TRPM6: variants seen among roughly 807,000 people sequenced by gnomAD.
TRPM6 encodes the protein channel kinase 2.
TRPM6 carries 111 observed loss-of-function variants against 247.6 expected under a neutral mutation model. That is an observed-to-expected ratio of 0.45 (90% CI 0.38 to 0.52). The LOEUF is 0.52. Ranked by LOEUF, TRPM6 falls within the 20% of genes least tolerant of loss-of-function variation. The pLI, the probability that TRPM6 is intolerant of heterozygous loss-of-function variation, is 0.00. For missense variants in TRPM6, 2,126 were observed against 2,421.5 expected, an observed-to-expected ratio of 0.88 and a Z score of 2.56; for synonymous variants, 892 against 853.8, an observed-to-expected ratio of 1.04 and a Z score of -0.78.
At chr9:74,754,321 C>A (rs973893478) in intron 28 of TRPM6, among the ~76,000 whole-genome samples, 1 of 152,144 alleles carries the variant, frequency 6.6e-6, no homozygotes, top group East Asian at 1.9e-4. Context: ...ATTTAACAGA[C>A]AACTGAGTAT....
At chr9:74,877,534 A>T (rs866876334) in intron 1 of TRPM6, among the ~76,000 whole-genome samples, 64 of 152,044 alleles carry the variant, frequency 4.2e-4, no homozygotes, top group African/African-American at 1.4e-3. Flanking sequence ...CCACCACCAG[A>T]CTGCATCCTA....
At chr9:74,757,178 A>T (rs565929216) in intron 27 of TRPM6, among the ~76,000 whole-genome samples, 137 of 151,238 alleles carry the variant, frequency 9.1e-4, no homozygotes, top group African/African-American at 3.1e-3. Flanking sequence ...ACTTTGTCTA[A>T]AAAAACAAAC....
intron 1 of TRPM6, among the ~76,000 whole-genome samples, chr9:74,885,503 GAATT>G (rs1362924424): frequency 2.6e-5 from 4 of 152,172 alleles, no homozygotes; most frequent in African/African-American, 9.7e-5. Context: ...TAACCCTATG[GAATT>G]AATTGATTCT....
Position 74,763,133 on chromosome 9 carries a change from C to A in TRPM6, c.3538G>T (p.Val1180Phe). 6.2e-7 allele frequency: 1 copy of A among 1,609,066 alleles called. No homozygotes were observed. Residue 1180 changes from valine to phenylalanine, a missense_variant and splice_region_variant, in exon 26 of 39, where the codon GTT (valine) becomes TTT (phenylalanine). By Grantham distance (50) the Val-to-Phe change is conservative. This residue lies in a region of TRPM6 where 717 missense variants were observed against 715.9 expected (regional missense o/e 1.00). Coordinates refer to ENST00000360774, the MANE Select transcript of TRPM6 (RefSeq NM_017662.5). ...EERIRVTSER[V>F]TEMYFQLKEM... is the part of the protein sequence containing the mutation. ...TTCAGCTGGAAGTACATCTCTGTAA[C>A]CCTAGTGGTGAAGGAAGGGAGAAAA...
intron 1 of TRPM6, among the ~76,000 whole-genome samples, chr9:74,874,255 A>C (rs1042798210): frequency 3.3e-5 from 5 of 152,068 alleles, no homozygotes; most frequent in African/African-American, 1.2e-4. Context: ...AAAAAAAAAA[A>C]AACAAGAATT....
At chr9:74,752,711 T>C (rs1340322416) in intron 28 of TRPM6, among the ~76,000 whole-genome samples, 1 of 152,336 alleles carries the variant, frequency 6.6e-6, no homozygotes, top group Admixed American at 6.5e-5. Context: ...CTATTGCACA[T>C]GCTTTATTTA....
At chr9:74,860,821 C>G (rs1199609337) in intron 1 of TRPM6, among the ~76,000 whole-genome samples, 1 of 152,140 alleles carries the variant, frequency 6.6e-6, no homozygotes, top group Non-Finnish European at 1.5e-5. Flanking sequence ...ACTTCCAGAC[C>G]AGCCTGGGCA....
At chr9:74,870,366 G>A (rs1306237004) in intron 1 of TRPM6, among the ~76,000 whole-genome samples, 2 of 152,078 alleles carry the variant, frequency 1.3e-5, no homozygotes, top group African/African-American at 4.8e-5. Flanking sequence ...CTACACTAAG[G>A]GAATAGGAGT....
chr9:74,804,812 G>A, intron 14 of TRPM6: 1 of 555,142 alleles, frequency 1.8e-6, no homozygotes, highest in Admixed American at 3.0e-5. Flanking sequence ...ATGGAAATAA[G>A]CTTAATGTAA....
intron 36 of TRPM6, among the ~76,000 whole-genome samples, chr9:74,737,627 GC>G (rs757991991): frequency 1.3e-5 from 2 of 152,192 alleles, no homozygotes; most frequent in African/African-American, 2.4e-5. Flanking sequence ...AAGCAGCTGT[GC>G]AACTCTGGGC....
chr9:74,760,751 C>A (rs1291143061), intron 27 of TRPM6, among the ~76,000 whole-genome samples: 1 of 152,092 alleles, frequency 6.6e-6, no homozygotes, highest in Non-Finnish European at 1.5e-5. Context: ...AAACTTAATT[C>A]CCAGTGTAAT....
chr9:74,884,856 C>A (rs886850772), intron 1 of TRPM6, among the ~76,000 whole-genome samples: 3 of 151,982 alleles, frequency 2.0e-5, no homozygotes, highest in African/African-American at 7.2e-5. Context: ...TAGAAGAAAT[C>A]AAAAAAGACT....
At chr9:74,778,590 A>G (rs542926477) in intron 23 of TRPM6, among the ~76,000 whole-genome samples, 2 of 152,280 alleles carry the variant, frequency 1.3e-5, no homozygotes, top group African/African-American at 2.4e-5. Context: ...GGTGGCTTCA[A>G]GGCTGTTCTC....
chr9:74,804,884 A>T (rs902797168), intron 14 of TRPM6: 2 of 363,568 alleles, frequency 5.5e-6, no homozygotes, highest in African/African-American at 4.2e-5. Flanking sequence ...AAATATGCAC[A>T]TAGCAAATGA....
intron 6 of TRPM6, among the ~76,000 whole-genome samples, chr9:74,832,015 G>A (rs534706485): frequency 3.9e-5 from 6 of 152,222 alleles, no homozygotes; most frequent in South Asian, 2.1e-4. Context: ...TCTATGCAAC[G>A]ACTGCTAACA....
At chr9:74,747,998 A>T in intron 30 of TRPM6, 84 bp from the exon 31 acceptor site, 1 of 1,189,204 alleles carries the variant, frequency 8.4e-7, no homozygotes, top group South Asian at 1.2e-5. Flanking sequence ...CACATGGAAC[A>T]GTAACAACAC....
chr9:74,808,574 T>C (rs1325922447), intron 13 of TRPM6, among the ~76,000 whole-genome samples: 2 of 152,124 alleles, frequency 1.3e-5, no homozygotes, highest in Non-Finnish European at 2.9e-5. Context: ...CAAATAAATA[T>C]GTATATAGAG....
At chr9:74,810,630 G>A (rs1423720154) in intron 13 of TRPM6, among the ~76,000 whole-genome samples, 185 bp downstream of exon 13, 3 of 152,138 alleles carry the variant, frequency 2.0e-5, no homozygotes, top group South Asian at 4.1e-4. Flanking sequence ...AAAACATAAA[G>A]TAAATTAAGG....
At chr9:74,777,752 G>C (rs555476760) in intron 23 of TRPM6, among the ~76,000 whole-genome samples, 1 of 152,016 alleles carries the variant, frequency 6.6e-6, no homozygotes, top group Non-Finnish European at 1.5e-5. Flanking sequence ...GAAAATAGAC[G>C]TAGCTGCCAG....
Sources: allele counts gnomAD v4.1 joint callset (sites outside exome capture counted in the v4.1 genomes callset), GRCh38; gene constraint gnomAD v4.1.1; regional missense constraint gnomAD v4.1.1; transcripts MANE v1.5; gene names NCBI Gene and HGNC (gene_info 2026-07-23, HGNC 2026-07-21).